Variants in RTTN observed in about 807,000 individuals in gnomAD.
RTTN encodes rotatin.
Under a neutral mutation model 269.2 loss-of-function variants are expected in RTTN, and 182 were observed. The ratio of observed to expected loss-of-function variants is 0.68; its 90% CI spans 0.60 to 0.76. RTTN has a LOEUF of 0.76. RTTN is among the 30% of genes least tolerant of loss of function. The pLI, the probability that RTTN is intolerant of heterozygous loss-of-function variation, is 0.00. For missense variants in RTTN, 2,545 were observed against 2,608.6 expected, an observed-to-expected ratio of 0.98 and a Z score of 0.53; for synonymous variants, 1,006 against 963.5, an observed-to-expected ratio of 1.04 and a Z score of -0.82.
chr18:70,033,462 G>A (rs575612534), intron 40 of RTTN, among the ~76,000 whole-genome samples: 22 of 152,302 alleles, frequency 1.4e-4, no homozygotes, highest in African/African-American at 5.3e-4. Context: ...TAAGCATCCT[G>A]CTCCTGAATA....
At chr18:70,157,195 C>T (rs2060704370) in intron 14 of RTTN, among the ~76,000 whole-genome samples, 1 of 152,200 alleles carries the variant, frequency 6.6e-6, no homozygotes, top group Non-Finnish European at 1.5e-5. Flanking sequence ...CCCCAGAGCA[C>T]TTTCTCGGGC....
intron 32 of RTTN, among the ~76,000 whole-genome samples, chr18:70,085,900 C>A (rs1011897220): frequency 6.6e-6 from 1 of 152,174 alleles, no homozygotes; most frequent in Non-Finnish European, 1.5e-5. Flanking sequence ...AATGAGTACA[C>A]GAGAACCCCA....
At position 70,166,154 on chromosome 18, in the gene RTTN, C is replaced by T; in HGVS notation, c.1837G>A (p.Gly613Arg). The change falls in exon 14 of 49, where the codon GGA (glycine) becomes AGA (arginine). Residue 613 changes from glycine to arginine, a missense_variant. Physicochemically the swap from Gly to Arg is moderately radical, Grantham distance 125. Transcript: ENST00000640769. ...KSAQASPLLQ[G>R]ESQKVLLHML... ...TGGAGAAGCACCTTCTGACTTTCTC[C>T]TTGTAGTAATGGACTGGCCTGAGCA... The T allele has an allele frequency of 6.2e-7, 1 of 1,613,586 alleles. No individual in the cohort carries two copies. The highest frequency in any genetic ancestry group is 1.1e-5 in the South Asian group (1 of 91,020).
At chr18:70,061,438 G>A in intron 35 of RTTN, 1 of 456,118 alleles carries the variant, frequency 2.2e-6, no homozygotes, top group Non-Finnish European at 4.4e-6. Flanking sequence ...CAAGATTTGG[G>A]CACTAAATGT....
rs2059743180 is a variant in RTTN, at chr18:70,121,716, A to G, written c.3384-16T>C. ...CTGTAAAAACCTATAATGAAAAGAC[A>G]ATAATCATGGTTTCTGGCGCTTTAA... is the stretch of plus-strand genomic sequence containing the variant. On this transcript the variant is annotated splice_polypyrimidine_tract_variant and intron_variant, in intron 25 of 48. Coordinates refer to ENST00000640769, the MANE Select transcript of RTTN (RefSeq NM_173630.4). 6.6e-7 allele frequency: 1 copy of G among 1,525,396 alleles called. No homozygotes were observed. The highest frequency in any genetic ancestry group is 2.5e-5 in the East Asian group (1 of 40,256). The allele number at this position is 1,525,396 out of a possible 1,614,324, so 94.5% of individuals were successfully genotyped here.
intron 40 of RTTN, among the ~76,000 whole-genome samples, chr18:70,036,763 C>G (rs2057185708): frequency 6.6e-6 from 1 of 152,158 alleles, no homozygotes. Context: ...TCTGTCCTCC[C>G]CCAACAGGAA....
intron 40 of RTTN, among the ~76,000 whole-genome samples, chr18:70,046,963 A>G (rs1475146825): frequency 1.3e-5 from 2 of 152,216 alleles, no homozygotes; most frequent in African/African-American, 2.4e-5. Context: ...GCATCTCAAC[A>G]TCATCAAGCC....
chr18:70,159,091 C>G (rs1328664399), intron 14 of RTTN, among the ~76,000 whole-genome samples: 1 of 152,094 alleles, frequency 6.6e-6, no homozygotes, highest in Non-Finnish European at 1.5e-5. Flanking sequence ...CCAAATGGAC[C>G]TAGGAGACTC....
Position 70,030,104 on chromosome 18 carries a change from G to A in RTTN, c.5653C>T (p.Leu1885Phe). 6.2e-7 allele frequency: 1 copy of A among 1,610,208 alleles called. No homozygotes were observed. The highest frequency in any genetic ancestry group is 1.1e-5 in the South Asian group (1 of 90,850). The change falls in exon 42 of 49, where the codon CTT (leucine) becomes TTT (phenylalanine). Residue 1885 changes from leucine to phenylalanine, a missense_variant. Transcript: ENST00000640769. ...RAQKHALKAN[L>F]IDNCMEQMKH... is the part of the protein sequence containing the mutation. ...ATCTGCTCCATGCAATTGTCTATAA[G>A]ATTGGCTGAAAGACAAAATCTGCAG... is the stretch of plus-strand genomic sequence containing the variant.
chr18:70,198,887 A>G (rs2061880248), intron 5 of RTTN, among the ~76,000 whole-genome samples: 1 of 152,222 alleles, frequency 6.6e-6, no homozygotes, highest in Non-Finnish European at 1.5e-5. Context: ...CAAGAGTCCA[A>G]CCACAAAAAG....
chr18:70,031,060 T>G, intron 40 of RTTN, 79 bp from the exon 41 acceptor site: 1 of 912,234 alleles, frequency 1.1e-6, no homozygotes, highest in South Asian at 1.7e-5. Context: ...GAACATTTTC[T>G]ACTTAAAAGA....
In RTTN at chr18:70,060,004, A is replaced by G; in HGVS notation, c.4786T>C (p.Ser1596Pro). The G allele has an allele frequency of 1.2e-6, 2 of 1,613,478 alleles. No homozygotes were observed. The highest frequency in any genetic ancestry group is 1.1e-5 in the South Asian group (1 of 90,996). The change falls in exon 36 of 49, where the codon TCA becomes CCA. Residue 1596 changes from serine (S) to proline (P), a missense_variant. Coordinates refer to ENST00000640769, the MANE Select transcript of RTTN (RefSeq NM_173630.4). ...ESTSPRPPHD[S>P]SLSAPLPKLC... ...TTGGGCAGGGGAGCAGAAAGAGATG[A>G]ATCATGAGGTGGCCGTGGTGATGTA... is the stretch of plus-strand genomic sequence containing the variant.
At chr18:70,178,350 A>G (rs139442577) in intron 10 of RTTN, among the ~76,000 whole-genome samples, 2 of 152,366 alleles carry the variant, frequency 1.3e-5, no homozygotes, top group East Asian at 3.9e-4. Context: ...AAAATAAGCC[A>G]GATACAAAAA....
intron 28 of RTTN, among the ~76,000 whole-genome samples, chr18:70,100,472 T>C (rs2059129138): frequency 6.6e-6 from 1 of 152,216 alleles, no homozygotes; most frequent in Non-Finnish European, 1.5e-5. Context: ...CTTAAGGAGA[T>C]TTTGGGCTGA....
In RTTN at chr18:70,204,143, G is replaced by GTTA; in HGVS notation, c.339_340insTAA (p.Phe113_Leu114insTer). The GTTA allele has an allele frequency of 1.2e-6, 2 of 1,614,032 alleles. No individual in the cohort carries two copies. The highest frequency in any genetic ancestry group is 1.7e-6 in the Non-Finnish European group (2 of 1,179,934). On this transcript the variant is annotated stop_gained and inframe_insertion, in exon 3 of 49. Coordinates refer to ENST00000640769, the MANE Select transcript of RTTN (RefSeq NM_173630.4). LOFTEE classifies it high-confidence loss of function. ...AGTGCAGGAACTTCCGAAGGAAGAA[G>GTTA]AAAAAGTCCATCCAGAATGCCATCA...
At chr18:70,033,763 G>A (rs1420531714) in intron 40 of RTTN, among the ~76,000 whole-genome samples, 2 of 151,614 alleles carry the variant, frequency 1.3e-5, no homozygotes, top group Non-Finnish European at 1.5e-5. Context: ...CCATTCAAAA[G>A]ACCAATGAAG....
chr18:70,004,744 C>T (rs950590614), intron 48 of RTTN, among the ~76,000 whole-genome samples: 10 of 152,252 alleles, frequency 6.6e-5, no homozygotes, highest in African/African-American at 2.4e-4. Flanking sequence ...TTTGGTGTCA[C>T]TAAAAATGAA....
chr18:70,112,633 T>G (rs1376130151), intron 27 of RTTN, among the ~76,000 whole-genome samples: 2 of 152,098 alleles, frequency 1.3e-5, no homozygotes, highest in Non-Finnish European at 2.9e-5. Context: ...TAAATATATA[T>G]GCACCCAATA....
At position 70,048,210 on chromosome 18, in the gene RTTN, T is replaced by G. The variant is rs77163113; in HGVS notation, c.5324-22A>C. ...ATATCTAAAGGAATAATTTCAGATG[T>G]GAATGTTTGAAAATTTCTTCAAAAT... On this transcript the variant is annotated intron_variant, in intron 39 of 48. Transcript: ENST00000640769. 1.1e-5 allele frequency: 18 copies of G among 1,584,406 alleles called. No homozygotes were observed. The African/African-American group carries it at 2.2e-4, about 19-fold the overall frequency.
Sources: gnomAD v4.1 joint callset for allele counts (sites outside exome capture counted in the v4.1 genomes callset) on GRCh38, gnomAD v4.1.1 for gene constraint, MANE v1.5 for transcripts, NCBI Gene and HGNC (gene_info 2026-07-23, HGNC 2026-07-21) for gene names.